Variants in PCLO observed in about 807,000 individuals in gnomAD.
PCLO encodes the protein protein piccolo.
A neutral mutation model predicts 427.5 loss-of-function variants in PCLO; 82 were observed. The ratio of observed to expected loss-of-function variants is 0.19; its 90% CI spans 0.16 to 0.23. The LOEUF is 0.23. PCLO is among the 10% of genes least tolerant of loss of function. PCLO has a pLI of 1.00. For synonymous variants in PCLO, 2,357 were observed against 2,155.4 expected (o/e 1.09, Z -2.59); for missense variants, 6,239 against 6,115.9 (o/e 1.02, Z -0.67).
At chr7:82,794,679 G>A (rs1791189247) in intron 22 of PCLO, among the ~76,000 whole-genome samples, 1 of 151,212 alleles carries the variant, frequency 6.6e-6, no homozygotes. Flanking sequence ...ATGCCATGTT[G>A]CCCAGGTTGG....
Position 83,162,474 on chromosome 7 carries a change from C to A in PCLO, c.119G>T (p.Gly40Val), listed in dbSNP as rs1344582742. 4.4e-6 allele frequency: 7 copies of A among 1,583,754 alleles called. No individual in the cohort carries two copies. In the African/African-American group the frequency reaches 8.1e-5, roughly 18 times the overall value. Residue 40 changes from glycine (G) to valine (V), a missense_variant, in exon 1 of 25, where the codon GGC (glycine) becomes GTC (valine). Physicochemically the swap from Gly to Val is moderately radical, Grantham distance 109 (BLOSUM62 -3). Around this residue, in one of 5 missense-constraint regions of PCLO, gnomAD observed 4,677 missense variants for 4,468.4 expected, o/e 1.05. Transcript: ENST00000333891. Reference protein sequence around the residue: ...GSPSHTAIPAGMEADLSQLSE... With the variant: ...GSPSHTAIPAVMEADLSQLSE... The stretch of plus-strand genomic sequence containing the variant: ...CAGCTGGCTCAAATCCGCCTCCATG[C>A]CGGCCGGGATCGCGGTGTGAGAGGG...
intron 21 of PCLO, 97 bp from the exon 22 acceptor site, chr7:82,801,688 G>T: frequency 2.9e-6 from 2 of 682,954 alleles, no homozygotes; most frequent in Non-Finnish European, 5.0e-6. Flanking sequence ...GATAGTAATG[G>T]CAAAACCTGC....
At chr7:82,823,544 G>A (rs758567809) in intron 19 of PCLO, among the ~76,000 whole-genome samples, 1 of 152,152 alleles carries the variant, frequency 6.6e-6, no homozygotes, top group Non-Finnish European at 1.5e-5. Flanking sequence ...GAGGATTAAT[G>A]TTGTGTTGTA....
chr7:82,879,229 G>A (rs1485637157), intron 10 of PCLO, 108 bp downstream of exon 10: 6 of 878,560 alleles, frequency 6.8e-6, no homozygotes, highest in Non-Finnish European at 8.3e-6. Flanking sequence ...ACCATAAGGA[G>A]AGAGGTTTAC....
chr7:83,154,701 G>C (rs6951239), intron 2 of PCLO, 47 bp downstream of exon 2: 1 of 1,319,330 alleles, frequency 7.6e-7, no homozygotes, highest in Non-Finnish European at 1.1e-6. Flanking sequence ...TTGTATAAGA[G>C]GATGATATGG....
chr7:82,951,837 G>A lies in PCLO; in HGVS notation c.9097+19C>T, dbSNP rs760922669. ...ATAATGATATTTCAAGGAAAGGTCT[G>A]CTGCCACATCATACTGACCTGTAGT... On this transcript the variant is annotated intron_variant, in intron 5 of 24. Transcript: ENST00000333891. 2 of 1,597,358 alleles carry A rather than the reference G, an allele frequency of 1.3e-6. No homozygotes were observed. Among genetic ancestry groups the A allele is most frequent in the Admixed American group, 1.7e-5 (1 of 58,592 alleles).
chr7:82,839,832 C>G (rs1792322054), intron 14 of PCLO, among the ~76,000 whole-genome samples: 1 of 151,924 alleles, frequency 6.6e-6, no homozygotes, highest in Admixed American at 6.6e-5. Flanking sequence ...CACAGCGACT[C>G]CAGTGCTGAT....
rs1460611660 is a variant in PCLO at position 82,811,420 on chromosome 7, GTTT to G, written c.14792-5594_14792-5592del. ...TCTACCTGTTGTTATTGCTGTTACT[GTTT>G]TTGTTTTTTGATATTTTTACTAAAG... is the stretch of plus-strand genomic sequence containing the variant. On this transcript the variant is annotated intron_variant, in intron 20 of 24. Coordinates refer to ENST00000333891, the MANE Select transcript of PCLO (RefSeq NM_033026.6). Among the ~76,000 whole-genome samples, 10 of 151,062 alleles carry G rather than the reference GTTT, an allele frequency of 6.6e-5. No homozygotes were observed. In the East Asian group the frequency reaches 1.9e-3, roughly 29 times the overall value.
At chr7:83,040,381 T>A (rs1407515439) in intron 3 of PCLO, among the ~76,000 whole-genome samples, 1 of 152,136 alleles carries the variant, frequency 6.6e-6, no homozygotes, top group Non-Finnish European at 1.5e-5. Flanking sequence ...TCTCTTTGAC[T>A]TTCTCTTTCA....
chr7:83,140,307 T>G (rs1429472564), intron 2 of PCLO, among the ~76,000 whole-genome samples: 1 of 152,180 alleles, frequency 6.6e-6, no homozygotes, highest in Admixed American at 6.5e-5. Context: ...AAAAGTAACC[T>G]GTTTAATACA....
intron 10 of PCLO, among the ~76,000 whole-genome samples, chr7:82,875,462 C>CTT (rs74474587): frequency 6.6e-6 from 1 of 151,894 alleles, no homozygotes; most frequent in East Asian, 1.9e-4. Context: ...GAATAAAAAT[C>CTT]TTTTTTTCAA....
In PCLO at chr7:83,010,594, T is replaced by C. The variant is rs546472311; in HGVS notation, c.3301-44107A>G. On this transcript the variant is annotated intron_variant, in intron 3 of 24. Coordinates refer to ENST00000333891, the MANE Select transcript of PCLO (RefSeq NM_033026.6). Reference sequence around the variant, plus strand: ...AAGTAATTATAAAATAATTATATTTTAATATAATATATATTTCATATTCCT... The same window carrying C: ...AAGTAATTATAAAATAATTATATTTCAATATAATATATATTTCATATTCCT... Among the ~76,000 whole-genome samples the C allele has an allele frequency of 3.3e-5, 5 of 150,310 alleles. No individual in the cohort carries two copies. In the South Asian group the frequency reaches 6.3e-4, roughly 19 times the overall value.
chr7:82,775,123 T>G (rs1790722928), intron 22 of PCLO, among the ~76,000 whole-genome samples: 1 of 152,212 alleles, frequency 6.6e-6, no homozygotes, highest in South Asian at 2.1e-4. Context: ...CACAGTTTAT[T>G]TATCCATTCA....
chr7:83,117,302 C>T (rs903995672), intron 3 of PCLO, among the ~76,000 whole-genome samples: 37 of 152,154 alleles, frequency 2.4e-4, no homozygotes, highest in African/African-American at 6.5e-4. Context: ...GGTTGCCAAA[C>T]GGGCAGCTTC....
chr7:82,782,883 C>T lies in PCLO; in HGVS notation c.15007+18635G>A, dbSNP rs980668198. On this transcript the variant is annotated intron_variant, in intron 22 of 24. Transcript: ENST00000333891. ...TCCTCTTTCACCACTATCTCAAGAACATCTACTCCCAAATGCATATGGTTC... is the reference window on the plus strand; with the variant it reads ...TCCTCTTTCACCACTATCTCAAGAATATCTACTCCCAAATGCATATGGTTC... Among the ~76,000 whole-genome samples, 6 of 152,312 alleles carry T rather than the reference C, an allele frequency of 3.9e-5. No individual in the cohort carries two copies. The East Asian group carries it at 1.2e-3, about 29-fold the overall frequency.
chr7:82,866,655 T>C (rs1029927377), intron 10 of PCLO, among the ~76,000 whole-genome samples: 6 of 143,194 alleles, frequency 4.2e-5, no homozygotes, highest in South Asian at 2.3e-4. Flanking sequence ...TGAAATTTTA[T>C]ACACACACAC....
In PCLO at chr7:82,956,303, C is replaced by T. The variant is rs866339331; in HGVS notation, c.4650G>A (p.Gly1550=). The change falls in exon 5 of 25, where the codon GGG becomes GGA. Residue 1550 remains glycine, a synonymous_variant. Coordinates refer to ENST00000333891, the MANE Select transcript of PCLO (RefSeq NM_033026.6). ...EYKQEDSQGS[G]EEEDFIRKQI... ...GTTTTCGAATGAAGTCCTCCTCTTC[C>T]CCTGATCCTTGGCTGTCTTCCTGTT... 5 of 1,612,924 alleles carry T rather than the reference C, an allele frequency of 3.1e-6. No homozygotes were observed. The highest frequency in any genetic ancestry group is 4.2e-6 in the Non-Finnish European group (5 of 1,179,848).
Position 82,950,598 on chromosome 7 carries a change from G to C in PCLO, c.9990C>G (p.Thr3330=). The C allele has an allele frequency of 6.2e-7, 1 of 1,613,838 alleles. No individual in the cohort carries two copies. Residue 3330 remains threonine, a synonymous_variant, in exon 6 of 25, where the codon ACC becomes ACG. Transcript: ENST00000333891. ...CTTCCAAAATTGCCTGCTCTGTAGT[G>C]GTTTGTGGAGAAGCAGTTCCAGAAG... ...YDPSGTASPQ[T]TTEQAILEGQ...
At position 82,946,479 on chromosome 7, in the gene PCLO, T is replaced by A. The variant is rs531985872; in HGVS notation, c.11112+2997A>T. Among the ~76,000 whole-genome samples, 126 of 152,308 alleles carry A rather than the reference T, an allele frequency of 8.3e-4. 3 individuals are homozygous for A. The South Asian group carries it at 0.026, about 31-fold the overall frequency. On this transcript the variant is annotated intron_variant, in intron 6 of 24. Transcript: ENST00000333891. ...CAAATTTAGAGGCAGAAATAGAGAT[T>A]TATAGTAATAAGCAGACTTCTTTAG...
Sources: gnomAD v4.1 joint callset for allele counts (sites outside exome capture counted in the v4.1 genomes callset) on GRCh38, gnomAD v4.1.1 for gene constraint, gnomAD v4.1.1 regional missense constraint, MANE v1.5 for transcripts, NCBI Gene and HGNC (gene_info 2026-07-23, HGNC 2026-07-21) for gene names.